Variants in CAPZB observed in about 807,000 individuals in gnomAD.
CAPZB encodes the protein F-actin-capping protein subunit beta.
A neutral mutation model predicts 38.1 loss-of-function variants in CAPZB; 2 were observed. The ratio of observed to expected loss-of-function variants is 0.05; its 90% CI spans 0.02 to 0.17. CAPZB has a LOEUF of 0.17. Ranked by LOEUF, CAPZB falls within the 10% of genes least tolerant of loss-of-function variation. CAPZB has a pLI of 1.00. For missense variants in CAPZB, 161 were observed against 334.2 expected, an observed-to-expected ratio of 0.48 and a Z score of 4.04; for synonymous variants, 107 against 127.4, an observed-to-expected ratio of 0.84 and a Z score of 1.08.
chr1:19,429,067 T>C (rs535475073), intron 1 of CAPZB, among the ~76,000 whole-genome samples: 30 of 152,298 alleles, frequency 2.0e-4, no homozygotes, highest in African/African-American at 6.3e-4. Flanking sequence ...ATGCAAATGA[T>C]CACAGGACAA....
At chr1:19,368,011 C>T (rs1471477910) in intron 4 of CAPZB, among the ~76,000 whole-genome samples, 1 of 152,186 alleles carries the variant, frequency 6.6e-6, no homozygotes, top group Non-Finnish European at 1.5e-5. Flanking sequence ...ACAGTCAGGG[C>T]TTTCTGGGCT....
At chr1:19,461,909 T>A (rs2094553048) in intron 1 of CAPZB, among the ~76,000 whole-genome samples, 1 of 152,226 alleles carries the variant, frequency 6.6e-6, no homozygotes, top group African/African-American at 2.4e-5. Flanking sequence ...AGATGATGCA[T>A]TGACTTAATG....
intron 6 of CAPZB, among the ~76,000 whole-genome samples, chr1:19,355,469 T>C (rs1307821632): frequency 6.8e-6 from 1 of 146,054 alleles, no homozygotes; most frequent in East Asian, 2.0e-4. Flanking sequence ...TACTCCAGCT[T>C]GGGTGACAGA....
intron 2 of CAPZB, among the ~76,000 whole-genome samples, chr1:19,389,990 A>G (rs544782230): frequency 3.5e-4 from 53 of 152,228 alleles, no homozygotes; most frequent in Non-Finnish European, 6.2e-4. Context: ...ACAGAGGCCA[A>G]GACAGGCCCT....
chr1:19,371,375 A>G (rs1285159389), intron 4 of CAPZB, among the ~76,000 whole-genome samples: 1 of 152,232 alleles, frequency 6.6e-6, no homozygotes, highest in Non-Finnish European at 1.5e-5. Flanking sequence ...CAATTAGAAG[A>G]GCCCTGTCAC....
At chr1:19,428,178 G>A (rs762279797) in intron 1 of CAPZB, among the ~76,000 whole-genome samples, 1 of 152,232 alleles carries the variant, frequency 6.6e-6, no homozygotes, top group South Asian at 2.1e-4. Context: ...GGAGGCGGGT[G>A]GATCACTTGA....
At chr1:19,447,386 A>ATTT (rs61113781) in intron 1 of CAPZB, among the ~76,000 whole-genome samples, 1 of 115,226 alleles carries the variant, frequency 8.7e-6, no homozygotes, top group Non-Finnish European at 1.7e-5. Context: ...CATCCAGCTA[A>ATTT]TTTTTTTTTT....
intron 1 of CAPZB, among the ~76,000 whole-genome samples, chr1:19,422,414 A>G (rs1225898450): frequency 6.6e-6 from 1 of 152,164 alleles, no homozygotes; most frequent in Non-Finnish European, 1.5e-5. Context: ...CTGATTGACA[A>G]TAAAGTCCCC....
intron 3 of CAPZB, among the ~76,000 whole-genome samples, 159 bp from the exon 4 acceptor site, chr1:19,378,812 G>A (rs1163090749): frequency 1.3e-5 from 2 of 152,204 alleles, no homozygotes; most frequent in Non-Finnish European, 2.9e-5. Flanking sequence ...GGGCTTTCTG[G>A]AGGTTTGGAG....
intron 2 of CAPZB, among the ~76,000 whole-genome samples, chr1:19,391,951 AG>A (rs954213338): frequency 4.6e-5 from 7 of 152,090 alleles, no homozygotes; most frequent in Admixed American, 1.3e-4. Flanking sequence ...GAGGCTGAGG[AG>A]GGTGGATCAC....
intron 1 of CAPZB, among the ~76,000 whole-genome samples, chr1:19,430,516 G>A (rs2094438486): frequency 6.6e-6 from 1 of 152,208 alleles, no homozygotes; most frequent in Admixed American, 6.5e-5. Context: ...TCTCCAAAAG[G>A]AGTTAGCCAT....
intron 3 of CAPZB, among the ~76,000 whole-genome samples, chr1:19,381,742 G>T (rs1320306425): frequency 7.1e-6 from 1 of 140,374 alleles, no homozygotes; most frequent in African/African-American, 2.7e-5. Flanking sequence ...GCCCAGGTTG[G>T]AGTGCAGTGG....
chr1:19,410,611 AG>A (rs1259558178), intron 2 of CAPZB, among the ~76,000 whole-genome samples: 2 of 152,122 alleles, frequency 1.3e-5, no homozygotes, highest in Non-Finnish European at 1.5e-5. Flanking sequence ...CAAGCTCTGG[AG>A]GAACATCGCC....
intron 4 of CAPZB, among the ~76,000 whole-genome samples, chr1:19,377,613 C>T (rs1429523446): frequency 3.9e-5 from 6 of 152,244 alleles, no homozygotes; most frequent in Non-Finnish European, 8.8e-5. Context: ...CTTATGTGGC[C>T]TGCAAAGCCT....
chr1:19,415,226 A>C (rs1362422796), intron 2 of CAPZB, among the ~76,000 whole-genome samples: 3 of 152,164 alleles, frequency 2.0e-5, no homozygotes. Context: ...TGAAAACAAC[A>C]ATCTCCCCCC....
At chr1:19,463,569 G>A (rs1054758241) in intron 1 of CAPZB, among the ~76,000 whole-genome samples, 36 of 152,288 alleles carry the variant, frequency 2.4e-4, no homozygotes, top group African/African-American at 7.7e-4. Context: ...AGAGCAAAAG[G>A]CCCTGTGAGC....
intron 2 of CAPZB, among the ~76,000 whole-genome samples, chr1:19,387,253 C>G (rs1263857310): frequency 6.6e-6 from 1 of 152,336 alleles, no homozygotes; most frequent in African/African-American, 2.4e-5. Context: ...TCCAAAGTCC[C>G]TACTCCTCCT....
At position 19,357,530 on chromosome 1, in the gene CAPZB, G is replaced by C. The variant is rs1181814766; in HGVS notation, c.363C>G (p.Leu121=). 8.7e-6 allele frequency: 14 copies of C among 1,613,948 alleles called. No homozygotes were observed. The highest frequency in any genetic ancestry group is 1.3e-5 in the African/African-American group (1 of 74,930). Residue 121 remains leucine (L), a synonymous_variant, in exon 5 of 9, where the codon CTC becomes CTG. Transcript: ENST00000264202. The surrounding 1 kb of genome is among the most constrained non-coding windows in gnomAD (Gnocchi z 4.3). Reference sequence around the variant, plus strand: ...CAGCAAAGCCATGATCCAGATCCCAGAGGTAGACAGATGAGACGCCACCTT... The same window carrying C: ...CAGCAAAGCCATGATCCAGATCCCACAGGTAGACAGATGAGACGCCACCTT... ...YFEGGVSSVY[L]WDLDHGFAGV...
At chr1:19,385,427 C>T in intron 3 of CAPZB, 78 bp downstream of exon 3, 3 of 1,579,056 alleles carry the variant, frequency 1.9e-6, no homozygotes, top group Non-Finnish European at 2.6e-6. Context: ...GTCCAAGGTC[C>T]CCGTGCTCTG....
Sources: allele counts gnomAD v4.1 joint callset (sites outside exome capture counted in the v4.1 genomes callset), GRCh38; gene constraint gnomAD v4.1.1; non-coding constraint Gnocchi (gnomAD v3.1); transcripts MANE v1.5; gene names NCBI Gene and HGNC (gene_info 2026-07-23, HGNC 2026-07-21).